AXL: variants seen among roughly 807,000 people sequenced by gnomAD.
The protein encoded by AXL is tyrosine-protein kinase receptor UFO.
In AXL, 52 loss-of-function variants were observed where a neutral mutation model predicts 104.5. The observed-to-expected ratio is 0.50, with a 90% CI of 0.40 to 0.63. The LOEUF (loss-of-function observed/expected upper bound fraction) is 0.63. Ranked by LOEUF, AXL falls within the 20% of genes least tolerant of loss-of-function variation. The pLI, the probability that AXL is intolerant of heterozygous loss-of-function variation, is 0.00. For missense variants in AXL, 1,024 were observed against 1,188.5 expected (o/e 0.86, Z 2.04); for synonymous variants, 455 against 473.7 (o/e 0.96, Z 0.51).
At chr19:41,248,300 G>C (rs1468536621) in intron 12 of AXL, among the ~76,000 whole-genome samples, 3 of 152,262 alleles carry the variant, frequency 2.0e-5, no homozygotes, top group African/African-American at 7.2e-5. Context: ...GCGTGGCCAG[G>C]CTTTACCCCT....
intron 17 of AXL, among the ~76,000 whole-genome samples, chr19:41,256,067 T>G (rs559433735): frequency 6.8e-6 from 1 of 146,650 alleles, no homozygotes; most frequent in South Asian, 2.1e-4. Flanking sequence ...TTAATCTGGG[T>G]GCTGGTTACA....
chr19:41,248,813 G>A lies in AXL; in HGVS notation c.1704G>A (p.Thr568=), dbSNP rs372248009. The change falls in exon 14 of 20, where the codon ACG becomes ACA. Residue 568 remains threonine (T), a synonymous_variant. Transcript: ENST00000301178. ...CCATCCTCAAGGTGGCTGTGAAGAC[G>A]ATGAAGAGTGAGTTACGTGCACATG... ...DDSILKVAVK[T]MKIAICTRSE... 8.1e-6 allele frequency: 13 copies of A among 1,610,450 alleles called. No homozygotes were observed. The highest frequency in any genetic ancestry group is 1.1e-5 in the Non-Finnish European group (13 of 1,177,984).
In AXL at chr19:41,259,991, A is replaced by C; in HGVS notation, c.*87A>C. The C allele has an allele frequency of 8.1e-7, 1 of 1,236,058 alleles. No homozygotes were observed. The allele number at this position is 1,236,058 out of a possible 1,614,324, so 76.6% of individuals were successfully genotyped here. A position where few individuals can be genotyped will look rare whatever the true frequency, so the allele number is the denominator to read the frequency against. On this transcript the variant is annotated 3_prime_UTR_variant, in exon 20 of 20. Transcript: ENST00000301178. Reference sequence around the variant, plus strand: ...CTCCACCTTCCCACTTTCCCACCCCACGCCTTATCCCCACTTGCAGCCCTG... The same window carrying C: ...CTCCACCTTCCCACTTTCCCACCCCCCGCCTTATCCCCACTTGCAGCCCTG...
At chr19:41,236,324 CTCTG>C (rs1379120705) in intron 6 of AXL, among the ~76,000 whole-genome samples, 1 of 128,174 alleles carries the variant, frequency 7.8e-6, no homozygotes, top group African/African-American at 3.2e-5. Flanking sequence ...CAGAGCAAGA[CTCTG>C]TCTAAAAAAA....
chr19:41,238,868 A>G (rs1165252022), intron 8 of AXL, among the ~76,000 whole-genome samples: 2 of 152,032 alleles, frequency 1.3e-5, no homozygotes, highest in Admixed American at 6.6e-5. Flanking sequence ...TTTACAGCAG[A>G]TAGTTATATA....
At chr19:41,227,709 A>AG (rs1476784690) in intron 4 of AXL, among the ~76,000 whole-genome samples, 14 of 151,966 alleles carry the variant, frequency 9.2e-5, no homozygotes, top group Non-Finnish European at 2.1e-4. Context: ...GGCTTGTCTT[A>AG]AACTCCTAAT....
At chr19:41,243,866 A>T in intron 12 of AXL, 159 bp downstream of exon 12, 1 of 609,362 alleles carries the variant, frequency 1.6e-6, no homozygotes, top group Admixed American at 2.9e-5. Flanking sequence ...GATTTGTGGA[A>T]CCACAAAGAA....
intron 10 of AXL, among the ~76,000 whole-genome samples, chr19:41,241,144 T>C (rs1368088641): frequency 1.3e-5 from 2 of 152,168 alleles, no homozygotes; most frequent in Non-Finnish European, 2.9e-5. Flanking sequence ...TCACGAATAC[T>C]CTTCCCACTT....
chr19:41,221,935 C>T lies in AXL; in HGVS notation c.465C>T (p.Pro155=), dbSNP rs2122198933. 6.2e-7 allele frequency: 1 copy of T among 1,613,724 alleles called. No homozygotes were observed. ...ACAGGACTGTGGCCGCCAACACCCC[C>T]TTCAACCTGAGCTGCCAAGCTCAGG... ...PEDRTVAANT[P]FNLSCQAQGP... Residue 155 remains proline (P), a synonymous_variant, in exon 4 of 20, where the codon CCC becomes CCT. Coordinates refer to ENST00000301178, the MANE Select transcript of AXL (RefSeq NM_021913.5).
intron 14 of AXL, among the ~76,000 whole-genome samples, chr19:41,249,328 G>A (rs904142112): frequency 6.6e-6 from 1 of 152,082 alleles, no homozygotes; most frequent in South Asian, 2.1e-4. Flanking sequence ...GGTGGCACAC[G>A]CCTGTAGTCC....
At chr19:41,231,121 G>A (rs535396112) in intron 5 of AXL, 62 bp from the exon 6 acceptor site, 78 of 1,611,300 alleles carry the variant, frequency 4.8e-5, no homozygotes, top group East Asian at 3.6e-4. Flanking sequence ...TGGGGGCAGA[G>A]AGCAGGGTAG....
rs2033741058 is a variant in AXL at position 41,219,328 on chromosome 19, G to T, written c.-65G>T. ...GCCTGGAGCTGGGGGGAGGGCCGGG[G>T]ACAGCCCGGCCCTGCCCCCTCCCCC... On this transcript the variant is annotated 5_prime_UTR_variant, in exon 1 of 20. Coordinates refer to ENST00000301178, the MANE Select transcript of AXL (RefSeq NM_021913.5). The T allele has an allele frequency of 6.8e-7, 1 of 1,469,284 alleles. No homozygotes were observed. The highest frequency in any genetic ancestry group is 2.5e-5 in the East Asian group (1 of 40,240). 91.0% of individuals were successfully genotyped at this position (1,469,284 alleles called of 1,614,324 possible). A position where few individuals can be genotyped will look rare whatever the true frequency, so the allele number is the denominator to read the frequency against.
At chr19:41,249,143 G>A (rs190677653) in intron 14 of AXL, among the ~76,000 whole-genome samples, 3 of 152,230 alleles carry the variant, frequency 2.0e-5, no homozygotes, top group African/African-American at 7.2e-5. Flanking sequence ...GCAGGAGCTG[G>A]TATCACAGAG....
At chr19:41,220,915 G>A in intron 2 of AXL, 57 bp downstream of exon 2, 1 of 1,580,550 alleles carries the variant, frequency 6.3e-7, no homozygotes, top group Non-Finnish European at 8.6e-7. Context: ...AGGGCAGAAA[G>A]CCCACCTGGG....
intron 18 of AXL, 137 bp from the exon 19 acceptor site, chr19:41,257,356 T>G: frequency 8.1e-7 from 1 of 1,239,788 alleles, no homozygotes; most frequent in Admixed American, 2.2e-5. Flanking sequence ...AGTATTATGT[T>G]TCTATGAATA....
At position 41,244,605 on chromosome 19, in the gene AXL, G is replaced by A. The variant is rs950667429; in HGVS notation, c.1537+898G>A. ...AGTGATTCTTATGCCTCGGCCTCCC[G>A]AATAGCTGGGATTACAAGTGCATGG... On this transcript the variant is annotated intron_variant, in intron 12 of 19. Coordinates refer to ENST00000301178, the MANE Select transcript of AXL (RefSeq NM_021913.5). Among the ~76,000 whole-genome samples the A allele has an allele frequency of 8.6e-5, 13 of 151,858 alleles. No homozygotes were observed. In the East Asian group the frequency reaches 2.3e-3, roughly 27 times the overall value.
In AXL at chr19:41,219,408, C is replaced by T; in HGVS notation, c.16C>T (p.Pro6Ser). The T allele has an allele frequency of 6.2e-7, 1 of 1,602,476 alleles. No individual in the cohort carries two copies. The highest frequency in any genetic ancestry group is 2.3e-5 in the East Asian group (1 of 44,326). Residue 6 changes from proline (P) to serine (S), a missense_variant, in exon 1 of 20, where the codon CCC becomes TCC. By Grantham distance (74) the Pro-to-Ser change is moderately conservative. Around this residue, in one of 5 missense-constraint regions of AXL, gnomAD observed 124 missense variants for 115.5 expected, o/e 1.07. Transcript: ENST00000301178. ...TTTGGCACCCATGGCGTGGCGGTGC[C>T]CCAGGATGGGCAGGGTCCCGCTGGC... is the stretch of plus-strand genomic sequence containing the variant. MAWRC[P>S]RMGRVPLAWC...
intron 4 of AXL, among the ~76,000 whole-genome samples, chr19:41,222,952 A>G (rs2033820032): frequency 6.7e-6 from 1 of 149,876 alleles, no homozygotes; most frequent in South Asian, 2.1e-4. Flanking sequence ...GAGAGATAGA[A>G]TGACATACAC....
chr19:41,220,379 T>A, intron 1 of AXL: 2 of 462,752 alleles, frequency 4.3e-6, no homozygotes, highest in Non-Finnish European at 7.9e-6. Flanking sequence ...TGCCAGGCAG[T>A]GCAGGGCGTG....
Sources: allele counts gnomAD v4.1 joint callset (sites outside exome capture counted in the v4.1 genomes callset), GRCh38; gene constraint gnomAD v4.1.1; regional missense constraint gnomAD v4.1.1; transcripts MANE v1.5; gene names NCBI Gene and HGNC (gene_info 2026-07-23, HGNC 2026-07-21).